LPP: variants seen among roughly 807,000 people sequenced by gnomAD.
The protein encoded by LPP is LIM domain containing preferred translocation partner in lipoma, also known as lipoma-preferred partner.
A neutral mutation model predicts 60.4 loss-of-function variants in LPP; 38 were observed. The ratio of observed to expected loss-of-function variants is 0.63; its 90% CI spans 0.49 to 0.83. The LOEUF (loss-of-function observed/expected upper bound fraction) is 0.83, where lower values mean the gene tolerates loss of function less well. Among genes scored for constraint, LPP ranks in the 40% least tolerant of loss-of-function variants. The pLI is 0.00. For missense variants in LPP, 902 were observed against 783.6 expected (o/e 1.15, Z -1.80); for synonymous variants, 328 against 290.8 (o/e 1.13, Z -1.30).
intron 7 of LPP, among the ~76,000 whole-genome samples, chr3:188,666,477 T>G (rs1170115411): frequency 6.6e-6 from 1 of 152,208 alleles, no homozygotes; most frequent in Admixed American, 6.5e-5. Flanking sequence ...TAAGAAACTG[T>G]AAGTCTGGGG....
chr3:188,372,205 A>G (rs921278758), intron 3 of LPP, among the ~76,000 whole-genome samples: 2 of 152,124 alleles, frequency 1.3e-5, no homozygotes, highest in Non-Finnish European at 2.9e-5. Flanking sequence ...AACTCCTCTC[A>G]GTGTCTTCTT....
At chr3:188,240,460 G>A (rs1723918534) in intron 2 of LPP, among the ~76,000 whole-genome samples, 1 of 151,910 alleles carries the variant, frequency 6.6e-6, no homozygotes, top group African/African-American at 2.4e-5. Context: ...CAACTTCATA[G>A]GCACAGAATT....
At chr3:188,653,943 AT>A (rs1368029870) in intron 7 of LPP, among the ~76,000 whole-genome samples, 1 of 152,176 alleles carries the variant, frequency 6.6e-6, no homozygotes, top group Non-Finnish European at 1.5e-5. Context: ...CACCACTGCC[AT>A]TGCTTGGTGG....
At chr3:188,562,573 G>A (rs1466460369) in intron 6 of LPP, 2 of 152,008 alleles carry the variant, frequency 1.3e-5, no homozygotes, top group African/African-American at 4.8e-5. Context: ...TGCCTGACCT[G>A]ATAATTGTAA....
intron 2 of LPP, among the ~76,000 whole-genome samples, chr3:188,338,466 A>G (rs962543195): frequency 1.3e-5 from 2 of 152,246 alleles, no homozygotes; most frequent in Non-Finnish European, 2.9e-5. Context: ...CTGTTGCCAC[A>G]TGAAACTTAT....
chr3:188,430,284 C>T (rs1279094917), intron 4 of LPP, among the ~76,000 whole-genome samples: 1 of 152,066 alleles, frequency 6.6e-6, no homozygotes, highest in African/African-American at 2.4e-5. Context: ...AGAAAATTAT[C>T]AGAATTTCCT....
At chr3:188,460,207 T>A (rs1798678396) in intron 4 of LPP, among the ~76,000 whole-genome samples, 1 of 152,144 alleles carries the variant, frequency 6.6e-6, no homozygotes, top group African/African-American at 2.4e-5. Context: ...TCTGAATGGA[T>A]CCATAAACCT....
intron 9 of LPP, among the ~76,000 whole-genome samples, chr3:188,837,133 G>A (rs1315510234): frequency 1.3e-5 from 2 of 152,112 alleles, no homozygotes; most frequent in African/African-American, 4.8e-5. Context: ...CTTCCCAGCA[G>A]CACCTTGGGA....
chr3:188,830,616 A>G (rs938964918), intron 9 of LPP, among the ~76,000 whole-genome samples: 1 of 152,138 alleles, frequency 6.6e-6, no homozygotes, highest in East Asian at 1.9e-4. Context: ...AAAAACAAAA[A>G]AAAAAATGCT....
At chr3:188,689,709 T>C (rs1177799507) in intron 7 of LPP, among the ~76,000 whole-genome samples, 1 of 152,234 alleles carries the variant, frequency 6.6e-6, no homozygotes, top group African/African-American at 2.4e-5. Flanking sequence ...TAAGAATTAG[T>C]ACCCTTTACT....
rs374237489 is a variant in LPP at position 188,532,338 on chromosome 3, T to C, written c.429+7551T>C. ...AACTCGAGAGGCTGAGGCAGGAGAA[T>C]TGCTTGAACCTAGGAGACAGAGGTT... On this transcript the variant is annotated intron_variant, in intron 6 of 11. Coordinates refer to ENST00000617246, the MANE Select transcript of LPP (RefSeq NM_001375462.1). Among the ~76,000 whole-genome samples the C allele has an allele frequency of 2.0e-3, 309 of 152,194 alleles. 1 individual carries two copies. The highest frequency in any genetic ancestry group is 5.2e-3 in the South Asian group (25 of 4,818).
chr3:188,511,023 T>C (rs1168501267), intron 5 of LPP, among the ~76,000 whole-genome samples: 2 of 149,874 alleles, frequency 1.3e-5, no homozygotes, highest in East Asian at 2.1e-4. Context: ...CCCTGATCCA[T>C]TCTCTTTCCC....
At chr3:188,507,949 C>T (rs1814054924) in intron 5 of LPP, among the ~76,000 whole-genome samples, 1 of 152,042 alleles carries the variant, frequency 6.6e-6, no homozygotes, top group Non-Finnish European at 1.5e-5. Flanking sequence ...GAGATTTTTC[C>T]AATCTAAGGC....
At chr3:188,651,619 T>C (rs1176145174) in intron 7 of LPP, among the ~76,000 whole-genome samples, 1 of 152,152 alleles carries the variant, frequency 6.6e-6, no homozygotes, top group African/African-American at 2.4e-5. Context: ...GGTCTCACAG[T>C]CATGGCAGAA....
chr3:188,798,788 G>GTA (rs10660337), intron 9 of LPP, among the ~76,000 whole-genome samples: 41 of 152,036 alleles, frequency 2.7e-4, no homozygotes, highest in Non-Finnish European at 5.1e-4. Context: ...ATGCTGAGTA[G>GTA]GAATAAGAGA....
intron 7 of LPP, among the ~76,000 whole-genome samples, chr3:188,682,085 G>A (rs973936870): frequency 7.2e-5 from 11 of 152,154 alleles, no homozygotes; most frequent in South Asian, 6.2e-4. Context: ...CTGTATCCTC[G>A]TTTTTTTGCA....
chr3:188,832,569 T>C (rs1757385116), intron 9 of LPP, among the ~76,000 whole-genome samples: 1 of 152,204 alleles, frequency 6.6e-6, no homozygotes, highest in Admixed American at 6.5e-5. Flanking sequence ...CCACTGAGAT[T>C]GTTAGCCAAC....
At chr3:188,804,109 T>C (rs1383384391) in intron 9 of LPP, among the ~76,000 whole-genome samples, 1 of 150,908 alleles carries the variant, frequency 6.6e-6, no homozygotes, top group Non-Finnish European at 1.5e-5. Flanking sequence ...TCATTGCTAC[T>C]GTATAGATAA....
intron 7 of LPP, among the ~76,000 whole-genome samples, chr3:188,611,459 A>G (rs1364763771): frequency 6.6e-6 from 1 of 152,216 alleles, no homozygotes; most frequent in Non-Finnish European, 1.5e-5. Context: ...CAAAACAACC[A>G]GTTCAGAGAA....
Sources: gnomAD v4.1 joint callset for allele counts (sites outside exome capture counted in the v4.1 genomes callset) on GRCh38, gnomAD v4.1.1 for gene constraint, MANE v1.5 for transcripts, NCBI Gene and HGNC (gene_info 2026-07-23, HGNC 2026-07-21) for gene names.